PDZD8: variants seen among roughly 807,000 people sequenced by gnomAD.
PDZD8 encodes PDZ domain containing 8, also known as PDZ domain-containing protein 8.
Under a neutral mutation model 85.8 loss-of-function variants are expected in PDZD8, and 14 were observed. That is an observed-to-expected ratio of 0.16 (90% confidence interval 0.11 to 0.26). The LOEUF (loss-of-function observed/expected upper bound fraction) is 0.26. Ranked by LOEUF, PDZD8 falls within the 10% of genes least tolerant of loss-of-function variation. PDZD8 has a pLI of 1.00. For missense variants in PDZD8, 1,197 were observed against 1,424.3 expected, an observed-to-expected ratio of 0.84 and a Z score of 2.57; for synonymous variants, 592 against 568.6, an observed-to-expected ratio of 1.04 and a Z score of -0.59.
In PDZD8 at chr10:117,355,797, C is replaced by T. The variant is rs138796114; in HGVS notation, c.873-14695G>A. On this transcript the variant is annotated intron_variant, in intron 1 of 4. Transcript: ENST00000334464. ...ATGCCTGGCACTTAGTATACCTCCA[C>T]TGAAATAAAGAAGCTATTTAATGAT... 2.1e-4 allele frequency among the ~76,000 whole-genome samples: 32 copies of T among 152,168 alleles called. No homozygotes were observed. The East Asian group carries it at 5.4e-3, about 26-fold the overall frequency.
chr10:117,330,407 A>C (rs1487285840), intron 2 of PDZD8, among the ~76,000 whole-genome samples: 15 of 152,146 alleles, frequency 9.9e-5, no homozygotes, highest in Non-Finnish European at 4.4e-5. Context: ...GAGTACCTCT[A>C]TTTCCCCATC....
rs71013659 is a variant in PDZD8 at position 117,325,404 on chromosome 10, C to CTTTT, written c.996-6434_996-6431dup. Among the ~76,000 whole-genome samples the CTTTT allele has an allele frequency of 3.8e-4, 38 of 99,842 alleles. 3 individuals carry two copies. Among genetic ancestry groups the CTTTT allele is most frequent in the Non-Finnish European group, 4.6e-4 (24 of 51,774 alleles). The allele number at this position is 99,842 out of a possible 152,430, so 65.5% of individuals were successfully genotyped here. On this transcript the variant is annotated intron_variant, in intron 2 of 4. Transcript: ENST00000334464. ...CTATCAAAAGTTCCAGAAAAGCCAA[C>CTTTT]TTTTTTTTTTTTTTTTGAGACAGAG... is the stretch of plus-strand genomic sequence containing the variant.
At chr10:117,343,998 T>C (rs1337082544) in intron 1 of PDZD8, among the ~76,000 whole-genome samples, 1 of 152,206 alleles carries the variant, frequency 6.6e-6, no homozygotes, top group African/African-American at 2.4e-5. Context: ...CATATCATCT[T>C]TCTTCAAAAT....
In PDZD8 at chr10:117,288,678, T is replaced by C. The variant is rs184625424; in HGVS notation, c.1261+1508A>G. ...CGCCTGCCACCATGCCCAGCTAATT[T>C]TCATATTTTCAGTAGAGATGGGTTT... On this transcript the variant is annotated intron_variant, in intron 4 of 4. Transcript: ENST00000334464. 3.1e-3 allele frequency among the ~76,000 whole-genome samples: 472 copies of C among 152,190 alleles called. 3 individuals are homozygous for C. The highest frequency in any genetic ancestry group is 5.3e-3 in the Non-Finnish European group (358 of 68,000).
At chr10:117,342,945 C>A (rs1471406521) in intron 1 of PDZD8, among the ~76,000 whole-genome samples, 1 of 152,184 alleles carries the variant, frequency 6.6e-6, no homozygotes, top group Non-Finnish European at 1.5e-5. Flanking sequence ...TGTCCAAATC[C>A]TCCCCTCTTT....
At chr10:117,305,881 G>A (rs1843934936) in intron 3 of PDZD8, among the ~76,000 whole-genome samples, 2 of 152,136 alleles carry the variant, frequency 1.3e-5, no homozygotes, top group South Asian at 2.1e-4. Flanking sequence ...AGTTGGGTTT[G>A]AGTTTTGGCT....
intron 1 of PDZD8, among the ~76,000 whole-genome samples, chr10:117,364,207 T>A (rs938367070): frequency 1.5e-4 from 21 of 144,142 alleles, no homozygotes; most frequent in East Asian, 1.2e-3. Flanking sequence ...TGTGTGTGTG[T>A]GAGAGTGTGT....
At position 117,374,858 on chromosome 10, in the gene PDZD8, T is replaced by C; in HGVS notation, c.370A>G (p.Lys124Glu). Residue 124 changes from lysine (K) to glutamate (E), a missense_variant, in exon 1 of 5, where the codon AAG (lysine) becomes GAG (glutamate). Physicochemically the swap from Lys to Glu is moderately conservative, Grantham distance 56. Coordinates refer to ENST00000334464, the MANE Select transcript of PDZD8 (RefSeq NM_173791.5). The surrounding 1 kb of genome is among the most constrained non-coding windows in gnomAD (Gnocchi z 7.8). ...LTRRWVTKKI[K>E]VEFEELLQTK... is the part of the protein sequence containing the mutation. ...TGCAGCAGCTCCTCGAACTCCACCT[T>C]GATCTTCTTGGTGACCCAGCGGCGG... 1 of 1,613,576 alleles carries C rather than the reference T, an allele frequency of 6.2e-7. No homozygotes were observed. Among genetic ancestry groups the C allele is most frequent in the Non-Finnish European group, 8.5e-7 (1 of 1,179,860 alleles).
chr10:117,290,132 C>A, intron 4 of PDZD8, 54 bp downstream of exon 4: 2 of 1,452,740 alleles, frequency 1.4e-6, no homozygotes, highest in Non-Finnish European at 1.8e-6. Context: ...AACCTCACAC[C>A]TACTTTGTAG....
At chr10:117,291,075 T>C (rs1224721535) in intron 3 of PDZD8, among the ~76,000 whole-genome samples, 1 of 136,176 alleles carries the variant, frequency 7.3e-6, no homozygotes, top group Non-Finnish European at 1.6e-5. Flanking sequence ...GTTTCACCAC[T>C]GTTGCCCAGG....
At chr10:117,312,903 A>T (rs1028193292) in intron 3 of PDZD8, among the ~76,000 whole-genome samples, 1 of 152,198 alleles carries the variant, frequency 6.6e-6, no homozygotes, top group African/African-American at 2.4e-5. Context: ...TTCCCAGAGA[A>T]TTTCATAGTT....
rs1185682902 is a variant in PDZD8 at position 117,375,246 on chromosome 10, C to CG, written c.-20dup. 4.1e-6 allele frequency: 6 copies of CG among 1,448,528 alleles called. No individual in the cohort carries two copies. Among genetic ancestry groups the CG allele is most frequent in the Non-Finnish European group, 5.4e-6 (6 of 1,105,300 alleles). The allele number at this position is 1,448,528 out of a possible 1,614,324, so 89.7% of individuals were successfully genotyped here. A position where few individuals can be genotyped will look rare whatever the true frequency, so the allele number is the denominator to read the frequency against. On this transcript the variant is annotated 5_prime_UTR_variant, in exon 1 of 5. Coordinates refer to ENST00000334464, the MANE Select transcript of PDZD8 (RefSeq NM_173791.5). ...GCCCCATCCCGCCACCGCCTCCGCCCGGGCCCCTACTCCCGCGCCCACAGC... is the reference window on the plus strand; with the variant it reads ...GCCCCATCCCGCCACCGCCTCCGCCCGGGGCCCCTACTCCCGCGCCCACAGC...
At position 117,306,817 on chromosome 10, in the gene PDZD8, G is replaced by A. The variant is rs545836995; in HGVS notation, c.1098+12055C>T. On this transcript the variant is annotated intron_variant, in intron 3 of 4. Transcript: ENST00000334464. The stretch of plus-strand genomic sequence containing the variant: ...CATTTTGCCACATTTGTTTCACTCT[G>A]CATATTATTTTTCTGAACTATTTGA... Among the ~76,000 whole-genome samples the A allele has an allele frequency of 4.6e-5, 7 of 152,070 alleles. No homozygotes were observed. The South Asian group carries it at 1.5e-3, about 32-fold the overall frequency.
At chr10:117,290,431 G>A in intron 3 of PDZD8, 83 bp from the exon 4 acceptor site, 2 of 1,067,018 alleles carry the variant, frequency 1.9e-6, no homozygotes, top group Non-Finnish European at 2.6e-6. Flanking sequence ...ACTGTTATGT[G>A]CAGAGAGCAC....
intron 3 of PDZD8, 110 bp from the exon 4 acceptor site, chr10:117,290,458 T>C (rs987099462): frequency 1.6e-5 from 11 of 709,230 alleles, no homozygotes; most frequent in Non-Finnish European, 2.2e-5. Context: ...TGATGCTGAC[T>C]TTTCTATCAT....
chr10:117,310,505 T>C (rs1298815692), intron 3 of PDZD8, among the ~76,000 whole-genome samples: 1 of 152,172 alleles, frequency 6.6e-6, no homozygotes, highest in African/African-American at 2.4e-5. Flanking sequence ...CCCAGCATCT[T>C]AGAATCATAG....
intron 3 of PDZD8, among the ~76,000 whole-genome samples, chr10:117,312,679 C>T (rs2532783): frequency 0.77 from 116,832 of 152,020 alleles, 45,550 homozygotes; most frequent in Non-Finnish European, 0.85. Flanking sequence ...AGGTTGCTGA[C>T]TATCCTTATT....
chr10:117,366,436 T>C lies in PDZD8; in HGVS notation c.872+7920A>G, dbSNP rs145909532. On this transcript the variant is annotated intron_variant, in intron 1 of 4. Coordinates refer to ENST00000334464, the MANE Select transcript of PDZD8 (RefSeq NM_173791.5). ...TATATAGCTTCTTTTTTGGTAAACA[T>C]TGTAACTGTTGAGGGGGGTGTATTT... Among the ~76,000 whole-genome samples, 87 of 152,272 alleles carry C rather than the reference T, an allele frequency of 5.7e-4. 1 individual carries two copies. The East Asian group carries it at 0.011, about 19-fold the overall frequency.
chr10:117,331,017 T>C (rs774571561), intron 2 of PDZD8, among the ~76,000 whole-genome samples: 9 of 152,244 alleles, frequency 5.9e-5, no homozygotes, highest in Non-Finnish European at 1.0e-4. Flanking sequence ...TAAGTTTCTA[T>C]ACTACCCATC....
Sources: allele counts gnomAD v4.1 joint callset (sites outside exome capture counted in the v4.1 genomes callset), GRCh38; gene constraint gnomAD v4.1.1; non-coding constraint Gnocchi (gnomAD v3.1); transcripts MANE v1.5; gene names NCBI Gene and HGNC (gene_info 2026-07-23, HGNC 2026-07-21).